DLC1: variants seen among roughly 807,000 people sequenced by gnomAD.
DLC1 encodes DLC1 Rho GTPase activating protein.
Under a neutral mutation model 140.3 loss-of-function variants are expected in DLC1, and 54 were observed. The ratio of observed to expected loss-of-function variants is 0.38; its 90% CI spans 0.31 to 0.48. DLC1 has a LOEUF of 0.48. Ranked by LOEUF, DLC1 falls within the 20% of genes least tolerant of loss-of-function variation. The pLI, the probability that DLC1 is intolerant of heterozygous loss-of-function variation, is 0.96. For synonymous variants in DLC1, 986 were observed against 728.1 expected (o/e 1.35, Z -5.70); for missense variants, 2,536 against 1,907.0 (o/e 1.33, Z -6.14).
chr8:13,397,892 G>A (rs890876250), intron 3 of DLC1, among the ~76,000 whole-genome samples: 2 of 152,116 alleles, frequency 1.3e-5, no homozygotes, highest in African/African-American at 2.4e-5. Context: ...CAGCACTTCT[G>A]GAGGCCGAGG....
chr8:13,355,752 G>A (rs150843981), intron 4 of DLC1, among the ~76,000 whole-genome samples: 237 of 152,042 alleles, frequency 1.6e-3, no homozygotes, highest in African/African-American at 5.3e-3. Context: ...TATATTTTTT[G>A]GCATCTCTAA....
intron 4 of DLC1, among the ~76,000 whole-genome samples, chr8:13,378,879 C>G (rs539805700): frequency 4.6e-5 from 7 of 152,118 alleles, no homozygotes; most frequent in African/African-American, 1.7e-4. Flanking sequence ...TATTCTTAAA[C>G]CAATTAATGG....
At chr8:13,438,368 G>C (rs1432377326) in intron 2 of DLC1, among the ~76,000 whole-genome samples, 1 of 152,080 alleles carries the variant, frequency 6.6e-6, no homozygotes, top group African/African-American at 2.4e-5. Flanking sequence ...TAAATATCGT[G>C]TTTCTTTTTA....
intron 2 of DLC1, among the ~76,000 whole-genome samples, chr8:13,458,334 A>G (rs939002055): frequency 6.6e-6 from 1 of 152,206 alleles, no homozygotes; most frequent in Non-Finnish European, 1.5e-5. Flanking sequence ...GAGCACAAAA[A>G]ATGAGGTGAC....
intron 5 of DLC1, among the ~76,000 whole-genome samples, chr8:13,229,432 TG>T (rs1389064167): frequency 6.6e-6 from 1 of 152,034 alleles, no homozygotes. Flanking sequence ...AGGACTCAGT[TG>T]GGGGGTAGTT....
chr8:13,471,504 AGGAGGGAGGGAAAGGAGGGAG>A (rs1367035626), intron 2 of DLC1, among the ~76,000 whole-genome samples: 4 of 117,068 alleles, frequency 3.4e-5, no homozygotes, highest in Admixed American at 2.7e-4. Flanking sequence ...AGGCAGGGAA[AGGAGGGAGGGAAAGGAGGGAG>A]GGAGGGAGGG....
At chr8:13,533,970 C>G (rs1003913920) in intron 1 of DLC1, among the ~76,000 whole-genome samples, 5 of 152,094 alleles carry the variant, frequency 3.3e-5, no homozygotes, top group African/African-American at 1.2e-4. Context: ...ATCAATCAAA[C>G]CTCTTTTGTT....
At chr8:13,470,117 T>A (rs542470755) in intron 2 of DLC1, among the ~76,000 whole-genome samples, 12 of 152,314 alleles carry the variant, frequency 7.9e-5, no homozygotes, top group African/African-American at 2.6e-4. Flanking sequence ...TGTGGAATAT[T>A]TTAATAAAAC....
intron 2 of DLC1, among the ~76,000 whole-genome samples, chr8:13,421,953 T>C (rs1286876752): frequency 1.3e-5 from 2 of 152,130 alleles, no homozygotes; most frequent in Non-Finnish European, 2.9e-5. Context: ...GTTTCTATGG[T>C]TTTTAATTCA....
At chr8:13,219,798 A>C (rs1828453702) in intron 5 of DLC1, among the ~76,000 whole-genome samples, 1 of 152,168 alleles carries the variant, frequency 6.6e-6, no homozygotes, top group Admixed American at 6.5e-5. Flanking sequence ...TGGGTGGATA[A>C]ATTAAATGAG....
intron 2 of DLC1, among the ~76,000 whole-genome samples, chr8:13,482,250 A>G (rs965340123): frequency 6.6e-6 from 1 of 152,212 alleles, no homozygotes; most frequent in African/African-American, 2.4e-5. Context: ...ATTAATATGT[A>G]TGTATATAAA....
chr8:13,145,632 C>T (rs1327889156), intron 5 of DLC1, among the ~76,000 whole-genome samples: 1 of 152,124 alleles, frequency 6.6e-6, no homozygotes, highest in South Asian at 2.1e-4. Context: ...TGTCCATCAA[C>T]TGAAGAATAG....
intron 17 of DLC1, 117 bp from the exon 18 acceptor site, chr8:13,086,048 T>G: frequency 6.8e-7 from 1 of 1,466,618 alleles, no homozygotes; most frequent in South Asian, 1.4e-5. Flanking sequence ...TCCCATGCCT[T>G]TGAATTCATG....
At chr8:13,167,699 C>T (rs1825200819) in intron 5 of DLC1, among the ~76,000 whole-genome samples, 1 of 152,184 alleles carries the variant, frequency 6.6e-6, no homozygotes, top group African/African-American at 2.4e-5. Context: ...TAACAATTCT[C>T]ATTGGATCAG....
intron 1 of DLC1, among the ~76,000 whole-genome samples, chr8:13,553,305 G>T (rs1385135750): frequency 7.3e-6 from 1 of 137,606 alleles, no homozygotes; most frequent in Admixed American, 7.9e-5. Flanking sequence ...CCTATATAAG[G>T]CCAATTTCTC....
chr8:13,351,152 C>T (rs1339773719), intron 4 of DLC1, among the ~76,000 whole-genome samples: 1 of 152,148 alleles, frequency 6.6e-6, no homozygotes, highest in Non-Finnish European at 1.5e-5. Context: ...AATAACGAGG[C>T]TATTTATTCA....
intron 7 of DLC1, among the ~76,000 whole-genome samples, chr8:13,107,318 C>G (rs1383145793): frequency 6.6e-6 from 1 of 152,204 alleles, no homozygotes; most frequent in East Asian, 1.9e-4. Context: ...GCTGTAAGAT[C>G]TGTAAATGTC....
At chr8:13,188,801 G>GTATATATATA (rs1237501850) in intron 5 of DLC1, among the ~76,000 whole-genome samples, 1,071 of 71,686 alleles carry the variant, frequency 0.015, 14 homozygotes, top group Non-Finnish European at 0.021. Flanking sequence ...GTGTGTGTGT[G>GTATATATATA]TATATATATA....
chr8:13,588,074 C>T (rs1054257036), intron 1 of DLC1, among the ~76,000 whole-genome samples: 1 of 152,064 alleles, frequency 6.6e-6, no homozygotes, highest in African/African-American at 2.4e-5. Context: ...AAAAGTCAGA[C>T]AGTCTTCAGT....
Sources: gnomAD v4.1 joint callset for allele counts (sites outside exome capture counted in the v4.1 genomes callset) on GRCh38, gnomAD v4.1.1 for gene constraint, MANE v1.5 for transcripts, NCBI Gene and HGNC (gene_info 2026-07-23, HGNC 2026-07-21) for gene names.